Variants in CA10 observed in about 807,000 individuals in gnomAD.
CA10 encodes the protein carbonic anhydrase-related protein 10.
A neutral mutation model predicts 44.2 loss-of-function variants in CA10; 14 were observed. The ratio of observed to expected loss-of-function variants is 0.32; its 90% confidence interval spans 0.21 to 0.50. The LOEUF is 0.50. CA10 is among the 20% of genes least tolerant of loss of function. CA10 has a pLI of 0.99. For synonymous variants in CA10, 159 were observed against 141.6 expected (o/e 1.12, Z -0.87); for missense variants, 350 against 409.7 (o/e 0.85, Z 1.26).
intron 3 of CA10, among the ~76,000 whole-genome samples, chr17:51,787,294 A>G (rs1906326935): frequency 6.6e-6 from 1 of 152,064 alleles, no homozygotes; most frequent in Non-Finnish European, 1.5e-5. Flanking sequence ...ACTTTCAACT[A>G]TGGCTTTTAT....
intron 4 of CA10, among the ~76,000 whole-genome samples, chr17:51,716,412 C>G (rs1916115171): frequency 6.6e-6 from 1 of 152,066 alleles, no homozygotes; most frequent in South Asian, 2.1e-4. Context: ...AAAAGGATGT[C>G]TAAAATGCTC....
intron 1 of CA10, among the ~76,000 whole-genome samples, chr17:52,107,662 GA>G (rs1988690015): frequency 6.6e-6 from 1 of 152,182 alleles, no homozygotes; most frequent in Non-Finnish European, 1.5e-5. Context: ...GTCCAAGGGA[GA>G]AAAGCTGGCT....
At chr17:51,836,407 C>T (rs1003679786) in intron 3 of CA10, among the ~76,000 whole-genome samples, 4 of 152,200 alleles carry the variant, frequency 2.6e-5, no homozygotes, top group Non-Finnish European at 5.9e-5. Context: ...CAGGACCCAA[C>T]GTGGAGGCAA....
intron 2 of CA10, among the ~76,000 whole-genome samples, chr17:52,058,105 C>T (rs1012287362): frequency 3.9e-5 from 6 of 152,088 alleles, no homozygotes; most frequent in African/African-American, 1.4e-4. Flanking sequence ...GGTTTATATA[C>T]ACTTACATGA....
chr17:52,081,692 T>C (rs901981284), intron 1 of CA10, among the ~76,000 whole-genome samples: 6 of 149,606 alleles, frequency 4.0e-5, no homozygotes, highest in Non-Finnish European at 8.9e-5. Context: ...CCCAGCTACT[T>C]GGGAGGCTGA....
intron 2 of CA10, among the ~76,000 whole-genome samples, chr17:51,941,842 A>T (rs1567893815): frequency 6.6e-6 from 1 of 152,174 alleles, no homozygotes; most frequent in Admixed American, 6.6e-5. Context: ...AAGCACTTCT[A>T]AAATCCTGCA....
chr17:51,990,852 G>A (rs1013696994), intron 2 of CA10, among the ~76,000 whole-genome samples: 2 of 152,022 alleles, frequency 1.3e-5, no homozygotes, highest in African/African-American at 4.8e-5. Flanking sequence ...GTTGCTTTTC[G>A]TAGGAGGTGC....
chr17:52,052,280 C>A (rs1356636362), intron 2 of CA10, among the ~76,000 whole-genome samples: 2 of 118,842 alleles, frequency 1.7e-5, no homozygotes, highest in African/African-American at 6.5e-5. Flanking sequence ...TACCCCTGAA[C>A]TTAAAAGGCT....
At chr17:51,875,782 A>G (rs1980044556) in intron 3 of CA10, among the ~76,000 whole-genome samples, 1 of 152,048 alleles carries the variant, frequency 6.6e-6, no homozygotes, top group Non-Finnish European at 1.5e-5. Flanking sequence ...CACCCCCAAC[A>G]TTTCCCTCAA....
intron 3 of CA10, chr17:51,761,384 A>T (rs1041212398): frequency 6.6e-6 from 1 of 152,190 alleles, no homozygotes; most frequent in African/African-American, 2.4e-5. Context: ...GCTTAGTGCT[A>T]TTTACTAGGA....
At chr17:52,159,015 C>T (rs1372859929), upstream of CA10, among the ~76,000 whole-genome samples, 1 of 152,188 alleles carries the variant, frequency 6.6e-6, no homozygotes. Context: ...CAGCCGCCTC[C>T]GCACTCCGCC....
intron 4 of CA10, among the ~76,000 whole-genome samples, chr17:51,700,222 A>C (rs1915546254): frequency 6.6e-6 from 1 of 152,194 alleles, no homozygotes; most frequent in African/African-American, 2.4e-5. Flanking sequence ...GTGGCCGCCT[A>C]ACAGGTCTCA....
At chr17:51,761,007 G>A (rs935256021) in intron 3 of CA10, among the ~76,000 whole-genome samples, 4 of 152,018 alleles carry the variant, frequency 2.6e-5, no homozygotes, top group African/African-American at 4.8e-5. Flanking sequence ...TTTCAATCGC[G>A]GCATGTGGCT....
At chr17:51,803,391 T>C (rs1907011865) in intron 3 of CA10, among the ~76,000 whole-genome samples, 1 of 152,170 alleles carries the variant, frequency 6.6e-6, no homozygotes, top group Non-Finnish European at 1.5e-5. Context: ...CATTCCTACA[T>C]TCCAGGCCTC....
At chr17:51,678,829 G>C (rs953604216) in intron 4 of CA10, among the ~76,000 whole-genome samples, 1 of 152,140 alleles carries the variant, frequency 6.6e-6, no homozygotes, top group African/African-American at 2.4e-5. Context: ...CCAAGTTTCT[G>C]TCTCTCTCTT....
At chr17:51,944,978 C>A (rs73987325) in intron 2 of CA10, among the ~76,000 whole-genome samples, 1 of 152,040 alleles carries the variant, frequency 6.6e-6, no homozygotes, top group Non-Finnish European at 1.5e-5. Context: ...TGGGATGATC[C>A]GGGTAGACCC....
chr17:51,892,691 CCAAT>C (rs1980909631), intron 3 of CA10, among the ~76,000 whole-genome samples: 1 of 152,128 alleles, frequency 6.6e-6, no homozygotes, highest in African/African-American at 2.4e-5. Flanking sequence ...ACTATTCTGG[CCAAT>C]CAGACATAGG....
intron 2 of CA10, among the ~76,000 whole-genome samples, chr17:52,062,687 C>T (rs1029306142): frequency 1.6e-4 from 24 of 152,320 alleles, no homozygotes; most frequent in African/African-American, 5.8e-4. Flanking sequence ...CCATAAATCT[C>T]AGCAGCATCC....
At chr17:51,757,198 A>G (rs1044213985) in intron 3 of CA10, among the ~76,000 whole-genome samples, 1 of 152,206 alleles carries the variant, frequency 6.6e-6, no homozygotes, top group Non-Finnish European at 1.5e-5. Flanking sequence ...TCAAGAGATC[A>G]AAGGGCTGAT....
Sources: gnomAD v4.1 joint callset for allele counts (sites outside exome capture counted in the v4.1 genomes callset) on GRCh38, gnomAD v4.1.1 for gene constraint, MANE v1.5 for transcripts, NCBI Gene and HGNC (gene_info 2026-07-23, HGNC 2026-07-21) for gene names.